SLC16A2: variants seen among roughly 807,000 people sequenced by gnomAD.
SLC16A2 encodes solute carrier family 16 member 2, also known as monocarboxylate transporter 8.
A neutral mutation model predicts 27.2 loss-of-function variants in SLC16A2; 3 were observed. The ratio of observed to expected loss-of-function variants is 0.11; its 90% CI spans 0.05 to 0.28. The LOEUF (loss-of-function observed/expected upper bound fraction) is 0.28. SLC16A2 is among the 10% of genes least tolerant of loss of function. The pLI is 1.00. For missense variants in SLC16A2, 295 were observed against 458.5 expected (o/e 0.64, Z 3.26); for synonymous variants, 202 against 187.8 (o/e 1.08, Z -0.62).
At chrX:74,506,897 G>A (rs1309554645) in intron 1 of SLC16A2, among the ~76,000 whole-genome samples, 1 of 105,728 alleles carries the variant, frequency 9.5e-6, no homozygotes, top group African/African-American at 3.4e-5. Context: ...GTTCTCATCT[G>A]TGATATTTAT....
chrX:74,468,260 A>G (rs1929289293), intron 1 of SLC16A2, among the ~76,000 whole-genome samples: 1 of 111,408 alleles, frequency 9.0e-6, no homozygotes, highest in African/African-American at 3.3e-5. Context: ...CCCTACCACC[A>G]AAATCTCCCC....
chrX:74,497,539 G>T (rs1411036237), intron 1 of SLC16A2, among the ~76,000 whole-genome samples: 1 of 108,923 alleles, frequency 9.2e-6, no homozygotes, highest in Non-Finnish European at 1.9e-5. Flanking sequence ...GTACCCCAAA[G>T]CTCATGGTTA....
intron 1 of SLC16A2, among the ~76,000 whole-genome samples, chrX:74,446,100 C>T (rs1045366204): frequency 9.0e-6 from 1 of 111,200 alleles, no homozygotes; most frequent in African/African-American, 3.3e-5. Context: ...GACTCTGATG[C>T]TAGTTGCGGG....
chrX:74,423,731 T>C (rs984881612), intron 1 of SLC16A2, among the ~76,000 whole-genome samples: 3 of 111,602 alleles, frequency 2.7e-5, no homozygotes, highest in Non-Finnish European at 5.6e-5. Flanking sequence ...CAGGGGCTCC[T>C]GGGAAAGCAG....
intron 1 of SLC16A2, among the ~76,000 whole-genome samples, chrX:74,480,411 C>T (rs1485624645): frequency 8.9e-6 from 1 of 112,664 alleles, no homozygotes; most frequent in Non-Finnish European, 1.9e-5. Flanking sequence ...AAAGGAAATT[C>T]CCTGACCCCT....
chrX:74,485,210 C>T (rs1442864817), intron 1 of SLC16A2, among the ~76,000 whole-genome samples: 2 of 95,034 alleles, frequency 2.1e-5, no homozygotes, highest in Non-Finnish European at 4.2e-5. Context: ...GAGCAAAATG[C>T]CATCTCAAAA....
rs1040500863 is a variant in SLC16A2, at chrX:74,531,943, C to T, written c.*390C>T. 5 of 227,942 alleles carry T rather than the reference C, an allele frequency of 2.2e-5. No homozygotes were observed. The highest frequency in any genetic ancestry group is 8.5e-5 in the African/African-American group (3 of 35,105). The allele number at this position is 227,942 out of a possible 1,213,427, so 18.8% of individuals were successfully genotyped here. A position where few individuals can be genotyped will look rare whatever the true frequency, so the allele number is the denominator to read the frequency against. Reference sequence around the variant, plus strand: ...GTCCCCAGGAGCCTAATAGGGTAGGCCCAAATCTCTGTTTGCTGAGGAGGT... The same window carrying T: ...GTCCCCAGGAGCCTAATAGGGTAGGTCCAAATCTCTGTTTGCTGAGGAGGT... On this transcript the variant is annotated 3_prime_UTR_variant, in exon 6 of 6. Coordinates refer to ENST00000587091, the MANE Select transcript of SLC16A2 (RefSeq NM_006517.5).
At chrX:74,445,793 G>A (rs1928828671) in intron 1 of SLC16A2, among the ~76,000 whole-genome samples, 1 of 108,683 alleles carries the variant, frequency 9.2e-6, no homozygotes, top group Non-Finnish European at 1.9e-5. Context: ...TTTTGGGGAA[G>A]GCATTGTGGG....
chrX:74,444,584 A>G (rs1005132527), intron 1 of SLC16A2, among the ~76,000 whole-genome samples: 4 of 112,369 alleles, frequency 3.6e-5, no homozygotes, highest in African/African-American at 1.3e-4. Context: ...CCTGAACCTC[A>G]GTTCCCTCAT....
chrX:74,442,692 C>A (rs930989739), intron 1 of SLC16A2, among the ~76,000 whole-genome samples: 2 of 112,306 alleles, frequency 1.8e-5, no homozygotes, highest in African/African-American at 6.5e-5. Context: ...CGCAGTGGCT[C>A]ACGCCTGTAA....
At chrX:74,488,654 A>C (rs935605486) in intron 1 of SLC16A2, among the ~76,000 whole-genome samples, 2 of 111,548 alleles carry the variant, frequency 1.8e-5, no homozygotes, top group Non-Finnish European at 3.8e-5. Context: ...CGACTTGCAT[A>C]GACTATTCAC....
Position 74,421,615 on chromosome X carries a change from G to C in SLC16A2, c.-23G>C, listed in dbSNP as rs1401954129. 8.3e-7 allele frequency: 1 copy of C among 1,202,015 alleles called. No homozygotes were observed. Among genetic ancestry groups the C allele is most frequent in the Non-Finnish European group, 1.1e-6 (1 of 892,584 alleles). ...CCACAAAGCGGCTCCTCTGGCCCAA[G>C]CAGCCACAGTCCCCCCGCCGCGATG... On this transcript the variant is annotated 5_prime_UTR_variant, in exon 1 of 6. Transcript: ENST00000587091.
rs925149010 is a variant in SLC16A2, at chrX:74,524,625, G to A, written c.842G>A (p.Arg281Gln). The A allele has an allele frequency of 5.0e-6, 6 of 1,209,536 alleles. No individual in the cohort carries two copies. Among genetic ancestry groups the A allele is most frequent in the Non-Finnish European group, 6.7e-6 (6 of 895,177 alleles). ...FVLMLLSLTY[R>Q]PLLPSSQDTP... ...CTTATGCTGCTTTCACTCACCTACC[G>A]GCCCCTCCTGCCCAGCTCCCAGGAC... Residue 281 changes from arginine (R) to glutamine (Q), a missense_variant, in exon 3 of 6, where the codon CGG becomes CAG. By Grantham distance (43) the Arg-to-Gln change is conservative. Coordinates refer to ENST00000587091, the MANE Select transcript of SLC16A2 (RefSeq NM_006517.5).
chrX:74,500,790 T>C (rs1409593516), intron 1 of SLC16A2, among the ~76,000 whole-genome samples: 1 of 111,295 alleles, frequency 9.0e-6, no homozygotes, highest in African/African-American at 3.3e-5. Context: ...CAAAGGTCAT[T>C]TGCACAAAAT....
Position 74,524,868 on chromosome X carries a change from C to T in SLC16A2, c.1026+59C>T. 8.7e-6 allele frequency: 9 copies of T among 1,034,965 alleles called. No individual in the cohort carries two copies. In the South Asian group the frequency reaches 1.3e-4, roughly 15 times the overall value. The allele number at this position is 1,034,965 out of a possible 1,213,427, so 85.3% of individuals were successfully genotyped here. A position where few individuals can be genotyped will look rare whatever the true frequency, so the allele number is the denominator to read the frequency against. ...GCCCCAAGAAGCTACCCTCAACCTG[C>T]CTAGATTCCAGAGGGTGGGGGTGGG... On this transcript the variant is annotated intron_variant, in intron 3 of 5. Coordinates refer to ENST00000587091, the MANE Select transcript of SLC16A2 (RefSeq NM_006517.5).
intron 1 of SLC16A2, among the ~76,000 whole-genome samples, chrX:74,436,207 G>A (rs1286458520): frequency 4.5e-5 from 5 of 111,823 alleles, no homozygotes; most frequent in African/African-American, 1.6e-4. Context: ...ACGTGTGTGT[G>A]TGTGTGTGTG....
At chrX:74,491,586 A>C (rs1438760620) in intron 1 of SLC16A2, among the ~76,000 whole-genome samples, 3 of 111,901 alleles carry the variant, frequency 2.7e-5, no homozygotes, top group African/African-American at 9.7e-5. Flanking sequence ...CCCACTTCCC[A>C]TCATGGCCTG....
At chrX:74,442,954 C>T (rs1044720815) in intron 1 of SLC16A2, among the ~76,000 whole-genome samples, 6 of 111,104 alleles carry the variant, frequency 5.4e-5, no homozygotes, top group African/African-American at 2.0e-4. Context: ...GAGACTTCGT[C>T]CAAAAAAAAT....
chrX:74,445,280 A>G (rs921913993), intron 1 of SLC16A2, among the ~76,000 whole-genome samples: 10 of 111,156 alleles, frequency 9.0e-5, no homozygotes, highest in Non-Finnish European at 1.9e-5. Flanking sequence ...TAAGATAACC[A>G]TCAGTCTCCA....
Sources: allele counts gnomAD v4.1 joint callset (sites outside exome capture counted in the v4.1 genomes callset), GRCh38; gene constraint gnomAD v4.1.1; transcripts MANE v1.5; gene names NCBI Gene and HGNC (gene_info 2026-07-23, HGNC 2026-07-21).